Variants in PCDHA5 observed in about 807,000 individuals in gnomAD.
The protein encoded by PCDHA5 is protocadherin alpha-5.
A neutral mutation model predicts 61.6 loss-of-function variants in PCDHA5; 43 were observed. That is an observed-to-expected ratio of 0.70 (90% CI 0.55 to 0.90). The LOEUF is 0.90. Among genes scored for constraint, PCDHA5 ranks in the 40% least tolerant of loss-of-function variants. The probability of loss-of-function intolerance (pLI) is 0.00; values close to 1 mark genes in which losing one functional copy is unlikely to be tolerated. For missense variants in PCDHA5, 1,298 were observed against 1,222.7 expected (o/e 1.06, Z -0.92); for synonymous variants, 627 against 543.9 (o/e 1.15, Z -2.13).
At chr5:140,897,504 C>T (rs1253239827) in intron 1 of PCDHA5, among the ~76,000 whole-genome samples, 1 of 152,092 alleles carries the variant, frequency 6.6e-6, no homozygotes, top group Non-Finnish European at 1.5e-5. Context: ...CATGTCCCTA[C>T]AAAGGACATG....
At chr5:140,829,888 C>T (rs150204488) in intron 1 of PCDHA5, 519 of 1,613,790 alleles carry the variant, frequency 3.2e-4, no homozygotes, top group Non-Finnish European at 4.2e-4. Context: ...CAGTTGACGC[C>T]GACTCAGGCT....
At chr5:140,911,716 T>A (rs2075609522) in intron 1 of PCDHA5, among the ~76,000 whole-genome samples, 1 of 151,644 alleles carries the variant, frequency 6.6e-6, no homozygotes, top group Non-Finnish European at 1.5e-5. Context: ...TTTGTGTAAC[T>A]CTGTAAACAG....
At chr5:140,869,004 T>C in intron 1 of PCDHA5, 1 of 1,521,534 alleles carries the variant, frequency 6.6e-7, no homozygotes, top group Non-Finnish European at 8.8e-7. Context: ...AAGGATCCTT[T>C]GAAACTTCTT....
chr5:140,954,543 A>G (rs1344952646), intron 1 of PCDHA5, among the ~76,000 whole-genome samples: 1 of 151,924 alleles, frequency 6.6e-6, no homozygotes, highest in Non-Finnish European at 1.5e-5. Flanking sequence ...TTTTTTTCAT[A>G]TGTTTGTTGG....
intron 1 of PCDHA5, chr5:140,829,300 T>C (rs2150165566): frequency 6.2e-7 from 1 of 1,614,244 alleles, no homozygotes; most frequent in Non-Finnish European, 8.5e-7. Flanking sequence ...CCTTCAAGAA[T>C]TACTACTCGT....
rs782026939 is a variant in PCDHA5, at chr5:140,883,016, A to T, written c.2352+58889A>T. 6.8e-6 allele frequency: 11 copies of T among 1,614,158 alleles called. No individual in the cohort carries two copies. The Admixed American group carries it at 1.7e-4, about 24-fold the overall frequency. On this transcript the variant is annotated intron_variant, in intron 1 of 3. Coordinates refer to ENST00000529859, the MANE Select transcript of PCDHA5 (RefSeq NM_018908.3). ...ATTTTACCAATCCGTTTATAAAGTG[A>T]CGGTGTTAGAGAACGCCTTCAATGG...
intron 1 of PCDHA5, chr5:140,928,845 T>C: frequency 6.2e-7 from 1 of 1,614,180 alleles, no homozygotes; most frequent in Non-Finnish European, 8.5e-7. Flanking sequence ...CCTCTGTCAC[T>C]CTGGGTGTGC....
intron 2 of PCDHA5, among the ~76,000 whole-genome samples, chr5:140,979,550 T>C (rs1201791524): frequency 5.3e-5 from 8 of 152,238 alleles, no homozygotes; most frequent in Non-Finnish European, 7.3e-5. Flanking sequence ...ACATGGTTCT[T>C]CAGAAGATGA....
chr5:140,849,509 G>A, intron 1 of PCDHA5: 2 of 1,596,674 alleles, frequency 1.3e-6, no homozygotes, highest in Admixed American at 1.7e-5. Flanking sequence ...CACTTCTTGT[G>A]GAAGTTGTGG....
Position 140,846,720 on chromosome 5 carries a change from C to A in PCDHA5, c.2352+22593C>A, listed in dbSNP as rs1311468002. 2.7e-5 allele frequency among the ~76,000 whole-genome samples: 4 copies of A among 149,248 alleles called. 1 individual carries two copies. The highest frequency in any genetic ancestry group is 9.8e-5 in the African/African-American group (4 of 40,682). ...AGAGAAGATTGTAATAACCAGTCTT[C>A]ATTAAACATTAAATAGGACCCTTAC... is the stretch of plus-strand genomic sequence containing the variant. On this transcript the variant is annotated intron_variant, in intron 1 of 3. Transcript: ENST00000529859.
intron 1 of PCDHA5, chr5:140,870,291 G>A (rs372143455): frequency 3.2e-5 from 52 of 1,614,052 alleles, no homozygotes; most frequent in Non-Finnish European, 3.6e-5. Context: ...CCTTCAAGCT[G>A]GTGTCCACCT....
At chr5:140,876,153 G>T in intron 1 of PCDHA5, 2 of 1,613,964 alleles carry the variant, frequency 1.2e-6, no homozygotes, top group South Asian at 2.2e-5. Context: ...GGTCTGTCCA[G>T]ATTCAAATAA....
At chr5:140,967,702 C>T (rs1563368615) in intron 1 of PCDHA5, 3 of 1,614,162 alleles carry the variant, frequency 1.9e-6, no homozygotes, top group Middle Eastern at 3.3e-4. Flanking sequence ...GCATAGATGC[C>T]AGTACCGGGG....
intron 1 of PCDHA5, among the ~76,000 whole-genome samples, chr5:140,974,181 A>G (rs1361812242): frequency 3.9e-5 from 6 of 152,226 alleles, no homozygotes; most frequent in Non-Finnish European, 8.8e-5. Context: ...TAACTTGACA[A>G]ATGCAAAGGA....
intron 3 of PCDHA5, among the ~76,000 whole-genome samples, chr5:141,002,328 C>T (rs1421788305): frequency 3.3e-5 from 5 of 152,250 alleles, no homozygotes; most frequent in Admixed American, 6.5e-5. Flanking sequence ...GGCCGGGCTG[C>T]ATCCGCACCC....
At position 140,973,042 on chromosome 5, in the gene PCDHA5, T is replaced by C. The variant is rs78535788; in HGVS notation, c.2353-5907T>C. Among the ~76,000 whole-genome samples the C allele has an allele frequency of 5.1e-3, 779 of 152,252 alleles. 6 individuals carry two copies. Among genetic ancestry groups the C allele is most frequent in the African/African-American group, 0.018 (740 of 41,542 alleles). ...TGTTAATGAGTCACTTTGAGTACTCTAGTAGATTTGTCCAACAGTGTCTCA... is the reference window on the plus strand; with the variant it reads ...TGTTAATGAGTCACTTTGAGTACTCCAGTAGATTTGTCCAACAGTGTCTCA... On this transcript the variant is annotated intron_variant, in intron 1 of 3. Transcript: ENST00000529859.
intron 1 of PCDHA5, chr5:140,836,072 G>A (rs2150252005): frequency 6.2e-7 from 1 of 1,613,664 alleles, no homozygotes; most frequent in Non-Finnish European, 8.5e-7. Context: ...ACAACGCGCC[G>A]GCACTGCTGG....
chr5:140,980,734 T>C (rs2096903764), intron 2 of PCDHA5, among the ~76,000 whole-genome samples: 3 of 151,998 alleles, frequency 2.0e-5, no homozygotes, highest in African/African-American at 4.8e-5. Context: ...TAAGATATTA[T>C]GAGATTTGAG....
Position 140,856,234 on chromosome 5 carries a change from G to A in PCDHA5, c.2352+32107G>A. On this transcript the variant is annotated intron_variant, in intron 1 of 3. Transcript: ENST00000529859. ...AGCTGGCGGAGCTGGTGCAGCGCCT[G>A]TTCCGGGTGGCGTCCAAAAGACACG... 3 of 1,598,040 alleles carry A rather than the reference G, an allele frequency of 1.9e-6. 1 individual carries two copies. Among genetic ancestry groups the A allele is most frequent in the Non-Finnish European group, 2.6e-6 (3 of 1,167,878 alleles).
Sources: allele counts gnomAD v4.1 joint callset (sites outside exome capture counted in the v4.1 genomes callset), GRCh38; gene constraint gnomAD v4.1.1; transcripts MANE v1.5; gene names NCBI Gene and HGNC (gene_info 2026-07-23, HGNC 2026-07-21).